Variants in GLDC observed in about 807,000 individuals in gnomAD.
GLDC encodes the protein glycine dehydrogenase (decarboxylating), mitochondrial.
GLDC carries 104 observed loss-of-function variants against 121.3 expected under a neutral mutation model. That is an observed-to-expected ratio of 0.86 (90% confidence interval 0.73 to 1.01). GLDC has a LOEUF of 1.01. Ranked by LOEUF, GLDC falls within the 50% of genes least tolerant of loss-of-function variation. The probability of loss-of-function intolerance (pLI) is 0.00; values close to 1 mark genes in which losing one functional copy is unlikely to be tolerated. For synonymous variants in GLDC, 546 were observed against 480.6 expected (o/e 1.14, Z -1.78); for missense variants, 1,429 against 1,306.6 (o/e 1.09, Z -1.44).
intron 8 of GLDC, among the ~76,000 whole-genome samples, chr9:6,597,999 T>C (rs1455436720): frequency 6.6e-6 from 1 of 152,170 alleles, no homozygotes; most frequent in African/African-American, 2.4e-5. Flanking sequence ...TCTGTAGTAA[T>C]GCCACAAATT....
chr9:6,561,135 A>T (rs1817749700), intron 16 of GLDC, among the ~76,000 whole-genome samples: 1 of 152,186 alleles, frequency 6.6e-6, no homozygotes, highest in South Asian at 2.1e-4. Flanking sequence ...ACTATAAGAA[A>T]ATTAATGTGT....
chr9:6,542,183 T>C (rs1047243514), intron 21 of GLDC: 2 of 152,282 alleles, frequency 1.3e-5, no homozygotes, highest in African/African-American at 4.8e-5. Flanking sequence ...GAGGTTGCAG[T>C]GAGCGAAGAT....
At chr9:6,547,682 C>T (rs555197617) in intron 21 of GLDC, among the ~76,000 whole-genome samples, 5 of 152,208 alleles carry the variant, frequency 3.3e-5, no homozygotes, top group East Asian at 1.9e-4. Flanking sequence ...ATACTCACGG[C>T]CACATTGTAA....
intron 15 of GLDC, among the ~76,000 whole-genome samples, chr9:6,581,185 G>A (rs559662777): frequency 1.3e-5 from 2 of 152,122 alleles, no homozygotes; most frequent in Admixed American, 6.5e-5. Flanking sequence ...AGTCCTTCCC[G>A]GGCAACGAAG....
intron 22 of GLDC, among the ~76,000 whole-genome samples, 157 bp from the exon 23 acceptor site, chr9:6,536,393 A>C (rs1253076616): frequency 1.3e-5 from 2 of 152,248 alleles, no homozygotes; most frequent in Non-Finnish European, 2.9e-5. Context: ...TGCTGTTCAT[A>C]GAAGAAAAAT....
chr9:6,585,014 T>C (rs569309620), intron 15 of GLDC: 1 of 152,324 alleles, frequency 6.6e-6, no homozygotes, highest in African/African-American at 2.4e-5. Flanking sequence ...TGGAATCATG[T>C]AGGGAACTTT....
chr9:6,581,303 C>T (rs1818166940), intron 15 of GLDC, among the ~76,000 whole-genome samples: 1 of 152,214 alleles, frequency 6.6e-6, no homozygotes, highest in Non-Finnish European at 1.5e-5. Context: ...TCTCTAGGAT[C>T]CCATACAGTG....
At chr9:6,594,857 A>T (rs1818460245) in intron 9 of GLDC, among the ~76,000 whole-genome samples, 157 bp downstream of exon 9, 1 of 151,988 alleles carries the variant, frequency 6.6e-6, no homozygotes, top group African/African-American at 2.4e-5. Context: ...GAAAGAAAGC[A>T]AAACAACAAA....
At chr9:6,639,093 C>A (rs575430317) in intron 2 of GLDC, 5 of 696,770 alleles carry the variant, frequency 7.2e-6, no homozygotes, top group Non-Finnish European at 1.3e-5. Flanking sequence ...GGTGACAGTC[C>A]AATCTGCCTA....
chr9:6,545,362 C>T (rs529635759), intron 21 of GLDC, among the ~76,000 whole-genome samples: 2 of 152,118 alleles, frequency 1.3e-5, no homozygotes, highest in African/African-American at 2.4e-5. Context: ...CACAATGGTC[C>T]GAATCTGTGT....
chr9:6,539,268 A>G (rs991061062), intron 22 of GLDC, among the ~76,000 whole-genome samples: 1 of 152,110 alleles, frequency 6.6e-6, no homozygotes, highest in African/African-American at 2.4e-5. Context: ...GCCTGAGCTC[A>G]GGAGACTGAG....
At chr9:6,570,974 AAT>A (rs1195200610) in intron 15 of GLDC, among the ~76,000 whole-genome samples, 2 of 152,126 alleles carry the variant, frequency 1.3e-5, no homozygotes, top group African/African-American at 2.4e-5. Flanking sequence ...TATAAGTTTA[AAT>A]ATGAGGTGAA....
Position 6,620,244 on chromosome 9 carries a change from C to G in GLDC, c.410G>C (p.Gly137Ala). The change falls in exon 3 of 25, where the codon GGC becomes GCC. Residue 137 changes from glycine (G) to alanine (A), a missense_variant. Gly to Ala is a moderately conservative substitution (Grantham distance 60). Transcript: ENST00000321612. ...NQIWRSYIGM[G>A]YYNCSVPQTI... Reference sequence around the variant, plus strand: ...CTGTGGCACTGAGCAGTTATAATAGCCCATGCCAATATACGATCTCCAGAT... The same window carrying G: ...CTGTGGCACTGAGCAGTTATAATAGGCCATGCCAATATACGATCTCCAGAT... The G allele has an allele frequency of 6.2e-7, 1 of 1,613,052 alleles. No individual in the cohort carries two copies.
rs186730166 is a variant in GLDC at position 6,615,782 on chromosome 9, T to C, written c.470+4402A>G. Among the ~76,000 whole-genome samples, 259 of 152,148 alleles carry C rather than the reference T, an allele frequency of 1.7e-3. 2 individuals are homozygous for C. The highest frequency in any genetic ancestry group is 4.4e-3 in the South Asian group (21 of 4,808). On this transcript the variant is annotated intron_variant, in intron 3 of 24. Coordinates refer to ENST00000321612, the MANE Select transcript of GLDC (RefSeq NM_000170.3). ...CCTATCACTAGGCCTGGCTAATTTT[T>C]TTTGTATTTTTTGTAGAGATAGGGT...
At position 6,592,803 on chromosome 9, in the gene GLDC, A is replaced by G. The variant is rs79260957; in HGVS notation, c.1401+48T>C. ...AAGAGAAAACCTTTTAATGAGAAAC[A>G]ATGTGAAAATTTGAAAAACTGGTAA... On this transcript the variant is annotated intron_variant, in intron 10 of 24. Coordinates refer to ENST00000321612, the MANE Select transcript of GLDC (RefSeq NM_000170.3). The G allele has an allele frequency of 4.3e-3, 6,668 of 1,541,912 alleles. 242 individuals are homozygous for G. The African/African-American group carries it at 0.079, about 18-fold the overall frequency.
intron 7 of GLDC, among the ~76,000 whole-genome samples, chr9:6,602,981 A>G (rs1818647780): frequency 6.6e-6 from 1 of 152,096 alleles, no homozygotes; most frequent in African/African-American, 2.4e-5. Context: ...TAATCCCAGC[A>G]CTTTGGGGGG....
chr9:6,537,994 C>G (rs887445351), intron 22 of GLDC, among the ~76,000 whole-genome samples: 3 of 152,150 alleles, frequency 2.0e-5, no homozygotes, highest in Non-Finnish European at 4.4e-5. Context: ...GACTAGAATT[C>G]AGTATCTGTT....
At chr9:6,593,535 C>G (rs1214271429) in intron 9 of GLDC, among the ~76,000 whole-genome samples, 1 of 151,964 alleles carries the variant, frequency 6.6e-6, no homozygotes, top group Non-Finnish European at 1.5e-5. Flanking sequence ...CTCTGGGACT[C>G]AAGCAATTCT....
chr9:6,580,905 G>A lies in GLDC; in HGVS notation c.1850+6236C>T, dbSNP rs186530476. On this transcript the variant is annotated intron_variant, in intron 15 of 24. Coordinates refer to ENST00000321612, the MANE Select transcript of GLDC (RefSeq NM_000170.3). ...TTGCCAAAGGCCATGCCTACTATAG[G>A]CAACCTGTAGCAGACAGGATCATTG... 1.1e-4 allele frequency among the ~76,000 whole-genome samples: 17 copies of A among 152,272 alleles called. No individual in the cohort carries two copies. In the East Asian group the frequency reaches 3.3e-3, roughly 29 times the overall value.
Sources: gnomAD v4.1 joint callset for allele counts (sites outside exome capture counted in the v4.1 genomes callset) on GRCh38, gnomAD v4.1.1 for gene constraint, MANE v1.5 for transcripts, NCBI Gene and HGNC (gene_info 2026-07-23, HGNC 2026-07-21) for gene names.